Variants in HLA-DOB observed in about 807,000 individuals in gnomAD.
HLA-DOB encodes major histocompatibility complex, class II, DO beta, also known as HLA class II histocompatibility antigen, DO beta chain.
A neutral mutation model predicts 27.7 loss-of-function variants in HLA-DOB; 25 were observed. The observed-to-expected ratio is 0.90, with a 90% CI of 0.66 to 1.26. The LOEUF is 1.26. Ranked by LOEUF, HLA-DOB falls within the 50% of genes most tolerant of loss-of-function variation. The pLI is 0.00. For synonymous variants in HLA-DOB, 137 were observed against 125.6 expected (o/e 1.09, Z -0.61); for missense variants, 306 against 324.9 (o/e 0.94, Z 0.45).
intron 1 of HLA-DOB, among the ~76,000 whole-genome samples, chr6:32,816,575 C>T (rs1437564780): frequency 6.6e-6 from 1 of 152,198 alleles, no homozygotes; most frequent in Non-Finnish European, 1.5e-5. Context: ...GCCTTCAACA[C>T]GCCCAGGCAC....
intron 1 of HLA-DOB, among the ~76,000 whole-genome samples, chr6:32,816,093 T>C (rs1768008171): frequency 1.3e-5 from 2 of 152,236 alleles, no homozygotes; most frequent in African/African-American, 4.8e-5. Context: ...ATGGACATTA[T>C]AAACTCAGGG....
At chr6:32,813,632 G>T in intron 4 of HLA-DOB, 91 bp downstream of exon 4, 1 of 1,179,158 alleles carries the variant, frequency 8.5e-7, no homozygotes, top group Non-Finnish European at 1.2e-6. Context: ...GGCACAATCA[G>T]CTTTCCTTGC....
rs780731495 is a variant in HLA-DOB at position 32,813,428 on chromosome 6, AAG to A, written c.786+10_786+11del. The A allele has an allele frequency of 1.2e-6, 2 of 1,612,864 alleles. No individual in the cohort carries two copies. The highest frequency in any genetic ancestry group is 8.5e-7 in the Non-Finnish European group (1 of 1,179,784). On this transcript the variant is annotated intron_variant, in intron 5 of 5. Transcript: ENST00000438763. ...GATCTGCCACTCAAAGACAAGGAAA[AAG>A]AGACATTACCTCATTACCAGACATC... is the stretch of plus-strand genomic sequence containing the variant.
At chr6:32,813,552 C>A (rs995448823) in intron 4 of HLA-DOB, 81 bp from the exon 5 acceptor site, 1 of 1,483,758 alleles carries the variant, frequency 6.7e-7, no homozygotes, top group Non-Finnish European at 9.4e-7. Flanking sequence ...AAATGGCTGG[C>A]AAGGTCAGCA....
At position 32,816,970 on chromosome 6, in the gene HLA-DOB, A is replaced by G. The variant is rs956348294; in HGVS notation, c.-19T>C. ...AACCCATTCTGGAGAAAGGAAAAAA[A>G]TGAGATAGTAAAATCGTCAGCCTCT... On this transcript the variant is annotated 5_prime_UTR_variant, in exon 1 of 6. Coordinates refer to ENST00000438763, the MANE Select transcript of HLA-DOB (RefSeq NM_002120.4). 1.5e-5 allele frequency: 23 copies of G among 1,582,444 alleles called. No individual in the cohort carries two copies. Among genetic ancestry groups the G allele is most frequent in the East Asian group, 2.2e-5 (1 of 44,740 alleles).
At chr6:32,813,870 C>G (rs1333099805) in intron 3 of HLA-DOB, 37 bp from the exon 4 acceptor site, 3 of 1,251,240 alleles carry the variant, frequency 2.4e-6, no homozygotes, top group East Asian at 2.5e-5. Flanking sequence ...TAAAAATATC[C>G]CAATATTTAA....
Position 32,814,460 on chromosome 6 carries a change from A to T in HLA-DOB, c.503T>A (p.Val168Asp). 1 of 1,612,930 alleles carries T rather than the reference A, an allele frequency of 6.2e-7. No homozygotes were observed. Among genetic ancestry groups the T allele is most frequent in the East Asian group, 2.2e-5 (1 of 44,886 alleles). The change falls in exon 3 of 6, where the codon GTC (valine) becomes GAC (aspartate). Residue 168 changes from valine to aspartate, a missense_variant. Physicochemically the swap from Val to Asp is radical, Grantham distance 152. Coordinates refer to ENST00000438763, the MANE Select transcript of HLA-DOB (RefSeq NM_002120.4). ...ATTCCTGATAGGGCCAGTGGACATG[A>T]CCCCAGCTCTCTCCTCCTGCCCATT... ...FLNGQEERAGVMSTGPIRNGD... is the reference protein window; with the variant it reads ...FLNGQEERAGDMSTGPIRNGD...
rs1029193392 is a variant in HLA-DOB, at chr6:32,813,830, G to A, written c.647C>T (p.Ala216Val). Reference sequence around the variant, plus strand: ...CTTTCTCCAAGAATATTCAGACTGAGCTCCTATGGGAAACAGGTCTTTAAA... The same window carrying A: ...CTTTCTCCAAGAATATTCAGACTGAACTCCTATGGGAAACAGGTCTTTAAA... ...LLSPVSVEWR[A>V]QSEYSWRKML... Residue 216 changes from alanine to valine, a missense_variant, in exon 4 of 6, where the codon GCT becomes GTT. Physicochemically the swap from Ala to Val is moderately conservative, Grantham distance 64. Transcript: ENST00000438763. 1.3e-5 allele frequency: 20 copies of A among 1,538,704 alleles called. No homozygotes were observed. The highest frequency in any genetic ancestry group is 1.8e-5 in the Non-Finnish European group (20 of 1,132,980).
Position 32,813,474 on chromosome 6 carries a change from G to A in HLA-DOB, c.755-3C>T. On this transcript the variant is annotated splice_region_variant and splice_polypyrimidine_tract_variant and intron_variant, in intron 4 of 5. Transcript: ENST00000438763. ...AGACATCTGCGTCCTCACATATCCT[G>A]GAAAGAAATCGAGAAAAGAATGGAT... is the stretch of plus-strand genomic sequence containing the variant. 6.2e-7 allele frequency: 1 copy of A among 1,612,762 alleles called. No homozygotes were observed. Among genetic ancestry groups the A allele is most frequent in the Non-Finnish European group, 8.5e-7 (1 of 1,179,904 alleles).
In HLA-DOB at chr6:32,813,110, G is replaced by C. The variant is rs1001263464; in HGVS notation, c.*106C>G. On this transcript the variant is annotated 3_prime_UTR_variant, in exon 6 of 6. Coordinates refer to ENST00000438763, the MANE Select transcript of HLA-DOB (RefSeq NM_002120.4). ...GGGCTCCTCCAAGGATCAGGGAAGA[G>C]AGTTATTCCCAGAACATTGACCTCA... 1 of 1,025,910 alleles carries C rather than the reference G, an allele frequency of 9.7e-7. No homozygotes were observed. The highest frequency in any genetic ancestry group is 1.5e-6 in the Non-Finnish European group (1 of 645,556). 63.6% of individuals were successfully genotyped at this position (1,025,910 alleles called of 1,614,324 possible).
Position 32,812,936 on chromosome 6 carries a change from A to G in HLA-DOB, c.*280T>C. ...AGTAGGGCTGGACCACAGAAAAGTA[A>G]ATGATTTGGGGCTGGAAGGAGTAAG... On this transcript the variant is annotated 3_prime_UTR_variant, in exon 6 of 6. Coordinates refer to ENST00000438763, the MANE Select transcript of HLA-DOB (RefSeq NM_002120.4). 1.9e-6 allele frequency: 1 copy of G among 533,198 alleles called. No homozygotes were observed. Among genetic ancestry groups the G allele is most frequent in the Middle Eastern group, 4.9e-4 (1 of 2,040 alleles). The allele number at this position is 533,198 out of a possible 1,614,324, so 33.0% of individuals were successfully genotyped here.
chr6:32,814,549 A>T lies in HLA-DOB; in HGVS notation c.414T>A (p.His138Gln), dbSNP rs747832616. The change falls in exon 3 of 6, where the codon CAT becomes CAA. Residue 138 changes from histidine to glutamine, a missense_variant. By Grantham distance (24) the His-to-Gln change is conservative. Coordinates refer to ENST00000438763, the MANE Select transcript of HLA-DOB (RefSeq NM_002120.4). The stretch of plus-strand genomic sequence containing the variant: ...CTGTCACAGAGCAGTGCAGCAGATT[A>T]TGCTGGTGCAGGAGTGGGGTCCTCT... ...YPERTPLLHQ[H>Q]NLLHCSVTGF... 6.2e-7 allele frequency: 1 copy of T among 1,613,030 alleles called. No homozygotes were observed. The highest frequency in any genetic ancestry group is 8.5e-7 in the Non-Finnish European group (1 of 1,179,990).
rs544096527 is a variant in HLA-DOB, at chr6:32,816,961, A to G, written c.-10T>C. Reference sequence around the variant, plus strand: ...CCCACCCAGAACCCATTCTGGAGAAAGGAAAAAAATGAGATAGTAAAATCG... The same window carrying G: ...CCCACCCAGAACCCATTCTGGAGAAGGGAAAAAAATGAGATAGTAAAATCG... On this transcript the variant is annotated 5_prime_UTR_variant, in exon 1 of 6. Transcript: ENST00000438763. The G allele has an allele frequency of 6.2e-7, 1 of 1,606,344 alleles. No homozygotes were observed. Among genetic ancestry groups the G allele is most frequent in the African/African-American group, 1.3e-5 (1 of 74,790 alleles).
At chr6:32,813,652 T>C (rs924392578) in intron 4 of HLA-DOB, 71 bp downstream of exon 4, 7 of 1,200,544 alleles carry the variant, frequency 5.8e-6, no homozygotes, top group Non-Finnish European at 8.5e-6. Context: ...CCTCAGATCA[T>C]TGACGTTAGG....
intron 1 of HLA-DOB, 121 bp from the exon 2 acceptor site, chr6:32,815,434 G>T: frequency 1.1e-6 from 1 of 933,942 alleles, no homozygotes; most frequent in Non-Finnish European, 1.7e-6. Flanking sequence ...TGCTCAAAAA[G>T]CACAGTGTCA....
In HLA-DOB at chr6:32,814,452, T is replaced by C; in HGVS notation, c.511A>G (p.Thr171Ala). ...GQEERAGVMS[T>A]GPIRNGDWTF... ...CAGTCTCCATTCCTGATAGGGCCAG[T>C]GGACATGACCCCAGCTCTCTCCTCC... The change falls in exon 3 of 6, where the codon ACT becomes GCT. Residue 171 changes from threonine (T) to alanine (A), a missense_variant. Transcript: ENST00000438763. The C allele has an allele frequency of 1.2e-6, 2 of 1,613,060 alleles. No homozygotes were observed. Among genetic ancestry groups the C allele is most frequent in the Non-Finnish European group, 1.7e-6 (2 of 1,180,008 alleles).
rs1409663071 is a variant in HLA-DOB at position 32,812,764 on chromosome 6, A to G, written c.*452T>C. Reference sequence around the variant, plus strand: ...TTTCTTAAATAATTCACTAAAATGTACATTTTTTGTATCTCCATTTTATTT... The same window carrying G: ...TTTCTTAAATAATTCACTAAAATGTGCATTTTTTGTATCTCCATTTTATTT... On this transcript the variant is annotated 3_prime_UTR_variant, in exon 6 of 6. Coordinates refer to ENST00000438763, the MANE Select transcript of HLA-DOB (RefSeq NM_002120.4). The G allele has an allele frequency of 6.2e-6, 1 of 162,466 alleles. No individual in the cohort carries two copies. Among genetic ancestry groups the G allele is most frequent in the Non-Finnish European group, 1.3e-5 (1 of 74,656 alleles). The allele number at this position is 162,466 out of a possible 1,614,324, so 10.1% of individuals were successfully genotyped here.
rs756168942 is a variant in HLA-DOB at position 32,815,137 on chromosome 6, G to C, written c.268C>G (p.Arg90Gly). ...GQPDAEQWNS[R>G]LDLLERSRQA... is the part of the protein sequence containing the mutation. ...CTGCTCCTCTCCAAGAGATCCAGCC[G>C]GCTGTTCCACTGCTCAGCATCTGGC... The change falls in exon 2 of 6, where the codon CGG becomes GGG. Residue 90 changes from arginine to glycine, a missense_variant. Transcript: ENST00000438763. 1.2e-6 allele frequency: 2 copies of C among 1,614,118 alleles called. No homozygotes were observed. The highest frequency in any genetic ancestry group is 1.7e-6 in the Non-Finnish European group (2 of 1,180,014).
rs765526066 is a variant in HLA-DOB, at chr6:32,814,508, T to A, written c.455A>T (p.Asp152Val). 39 of 1,612,904 alleles carry A rather than the reference T, an allele frequency of 2.4e-5. No homozygotes were observed. The highest frequency in any genetic ancestry group is 3.1e-5 in the Non-Finnish European group (37 of 1,180,010). ...HCSVTGFYPG[D>V]IKIKWFLNGQ... is the part of the protein sequence containing the mutation. ...ATTCAGGAACCACTTGATCTTGATA[T>A]CCCCTGGATAGAAGCCTGTCACAGA... The change falls in exon 3 of 6, where the codon GAT (aspartate) becomes GTT (valine). Residue 152 changes from aspartate to valine, a missense_variant. Physicochemically the swap from Asp to Val is radical, Grantham distance 152. Coordinates refer to ENST00000438763, the MANE Select transcript of HLA-DOB (RefSeq NM_002120.4).
Sources: gnomAD v4.1 joint callset for allele counts (sites outside exome capture counted in the v4.1 genomes callset) on GRCh38, gnomAD v4.1.1 for gene constraint, MANE v1.5 for transcripts, NCBI Gene and HGNC (gene_info 2026-07-23, HGNC 2026-07-21) for gene names.